Variants in NTMT2 observed in about 807,000 individuals in gnomAD.
NTMT2 encodes the protein N-terminal Xaa-Pro-Lys N-methyltransferase 2, also known as X-Pro-Lys N-terminal protein methyltransferase 1B.
In NTMT2, 21 loss-of-function variants were observed where a neutral mutation model predicts 23.4. The ratio of observed to expected loss-of-function variants is 0.90; its 90% confidence interval spans 0.64 to 1.29. The LOEUF (loss-of-function observed/expected upper bound fraction) is 1.29, where lower values mean the gene tolerates loss of function less well. Ranked by LOEUF, NTMT2 falls within the 50% of genes most tolerant of loss-of-function variation. NTMT2 has a pLI of 0.00. For synonymous variants in NTMT2, 131 were observed against 127.7 expected (o/e 1.03, Z -0.17); for missense variants, 336 against 352.0 (o/e 0.95, Z 0.36).
Position 170,148,196 on chromosome 1 carries a change from T to C in NTMT2, c.154+1935T>C, listed in dbSNP as rs550863695. The stretch of plus-strand genomic sequence containing the variant: ...TGGAGTCTCACTGTGTCGCCCAGGC[T>C]GGAGTGCAGTGGTGCAATCTCGGCT... On this transcript the variant is annotated intron_variant, in intron 1 of 3. Coordinates refer to ENST00000439373, the MANE Select transcript of NTMT2 (RefSeq NM_001136107.2). Among the ~76,000 whole-genome samples the C allele has an allele frequency of 3.9e-5, 5 of 129,100 alleles. No homozygotes were observed. The Admixed American group carries it at 3.9e-4, about 10-fold the overall frequency. 84.7% of individuals were successfully genotyped at this position (129,100 alleles called of 152,430 possible). A position where few individuals can be genotyped will look rare whatever the true frequency, so the allele number is the denominator to read the frequency against.
chr1:170,160,366 C>A (rs1673253388), intron 1 of NTMT2, among the ~76,000 whole-genome samples, 152 bp from the exon 2 acceptor site: 2 of 152,248 alleles, frequency 1.3e-5, no homozygotes, highest in South Asian at 2.1e-4. Context: ...AGTCATGGAG[C>A]CAAAACTCAA....
chr1:170,159,116 C>G lies in NTMT2; in HGVS notation c.155-1402C>G, dbSNP rs59453281. On this transcript the variant is annotated intron_variant, in intron 1 of 3. Transcript: ENST00000439373. ...TAGATAAGGTTTCCTTTGTTTTGTA[C>G]TTGTCCCCTAAATAGAAAGGAAGAC... 2.6e-5 allele frequency among the ~76,000 whole-genome samples: 4 copies of G among 151,152 alleles called. No homozygotes were observed. The South Asian group carries it at 8.3e-4, about 31-fold the overall frequency.
At chr1:170,156,390 C>T (rs1673164994) in intron 1 of NTMT2, among the ~76,000 whole-genome samples, 1 of 152,094 alleles carries the variant, frequency 6.6e-6, no homozygotes. Context: ...ATTAACCTTT[C>T]CTAGAAATTT....
chr1:170,159,780 T>C (rs1299413171), intron 1 of NTMT2, among the ~76,000 whole-genome samples: 1 of 152,228 alleles, frequency 6.6e-6, no homozygotes, highest in Non-Finnish European at 1.5e-5. Context: ...ATATTTTATA[T>C]CTGCATGGGT....
At chr1:170,165,067 T>C (rs1673353321) in intron 2 of NTMT2, among the ~76,000 whole-genome samples, 2 of 121,774 alleles carry the variant, frequency 1.6e-5, no homozygotes, top group Admixed American at 1.6e-4. Context: ...CCTTAGCCAA[T>C]TTTTTTTTTA....
chr1:170,164,738 G>A (rs1673339379), intron 2 of NTMT2, among the ~76,000 whole-genome samples: 1 of 152,182 alleles, frequency 6.6e-6, no homozygotes, highest in Non-Finnish European at 1.5e-5. Context: ...CCCTAATGGA[G>A]AACTGGCTTT....
intron 1 of NTMT2, among the ~76,000 whole-genome samples, chr1:170,146,620 T>C (rs1408551451): frequency 1.3e-5 from 2 of 152,206 alleles, no homozygotes; most frequent in Non-Finnish European, 2.9e-5. Context: ...AGAGTATTAA[T>C]GCATTAATAC....
At chr1:170,148,611 A>G (rs1270815336) in intron 1 of NTMT2, among the ~76,000 whole-genome samples, 2 of 152,210 alleles carry the variant, frequency 1.3e-5, no homozygotes, top group African/African-American at 4.8e-5. Flanking sequence ...CTTTGATGAT[A>G]GAAATTTAGG....
intron 1 of NTMT2, among the ~76,000 whole-genome samples, chr1:170,152,144 C>T (rs768979106): frequency 1.6e-4 from 24 of 152,010 alleles, no homozygotes; most frequent in Non-Finnish European, 2.9e-5. Flanking sequence ...ACATTAAGTG[C>T]TAGGATTACA....
In NTMT2 at chr1:170,158,574, C is replaced by T. The variant is rs1234742208; in HGVS notation, c.155-1944C>T. ...GCTTTAAAAAAAAATCTATGCATCTCAGCACTGTTAGATCTTACAGTCTCT... is the reference window on the plus strand; with the variant it reads ...GCTTTAAAAAAAAATCTATGCATCTTAGCACTGTTAGATCTTACAGTCTCT... On this transcript the variant is annotated intron_variant, in intron 1 of 3. Coordinates refer to ENST00000439373, the MANE Select transcript of NTMT2 (RefSeq NM_001136107.2). 2.0e-5 allele frequency among the ~76,000 whole-genome samples: 3 copies of T among 152,006 alleles called. No homozygotes were observed. The East Asian group carries it at 5.8e-4, about 29-fold the overall frequency.
chr1:170,157,562 T>G (rs1016171452), intron 1 of NTMT2, among the ~76,000 whole-genome samples: 7 of 152,162 alleles, frequency 4.6e-5, no homozygotes, highest in Non-Finnish European at 1.5e-5. Flanking sequence ...ATACAAGTTG[T>G]ATTTTTTGGA....
intron 1 of NTMT2, among the ~76,000 whole-genome samples, chr1:170,152,616 G>C (rs547866103): frequency 3.9e-5 from 6 of 152,142 alleles, no homozygotes; most frequent in Middle Eastern, 6.8e-3. Context: ...AAACCTAGAG[G>C]GTTCCTCTGG....
At chr1:170,151,065 C>T (rs531326982) in intron 1 of NTMT2, among the ~76,000 whole-genome samples, 1 of 152,134 alleles carries the variant, frequency 6.6e-6, no homozygotes, top group East Asian at 1.9e-4. Context: ...AAGGCTTAGC[C>T]CAACTTCATG....
At chr1:170,166,367 T>G (rs1673386023) in intron 2 of NTMT2, 135 bp from the exon 3 acceptor site, 1 of 796,652 alleles carries the variant, frequency 1.3e-6, no homozygotes, top group African/African-American at 1.8e-5. Context: ...GGTCTCGATC[T>G]CTTGACCTCG....
At chr1:170,146,668 A>G (rs1462150192) in intron 1 of NTMT2, among the ~76,000 whole-genome samples, 1 of 150,046 alleles carries the variant, frequency 6.7e-6, no homozygotes, top group East Asian at 1.9e-4. Context: ...AAATAATGAT[A>G]GATCAAAATG....
chr1:170,147,533 A>G (rs1416774410), intron 1 of NTMT2, among the ~76,000 whole-genome samples: 2 of 152,126 alleles, frequency 1.3e-5, no homozygotes, highest in Non-Finnish European at 2.9e-5. Flanking sequence ...CATCTCATCT[A>G]TATCCAAAAG....
intron 2 of NTMT2, among the ~76,000 whole-genome samples, chr1:170,166,226 G>A (rs916245628): frequency 2.2e-5 from 3 of 135,030 alleles, no homozygotes; most frequent in African/African-American, 5.6e-5. Context: ...TGCAAGCTCC[G>A]CTTCCAGGGT....
chr1:170,148,352 C>T (rs911621770), intron 1 of NTMT2, among the ~76,000 whole-genome samples: 1 of 151,478 alleles, frequency 6.6e-6, no homozygotes, highest in African/African-American at 2.4e-5. Context: ...GGGGTTTCAC[C>T]GTATTAGCCA....
chr1:170,161,105 C>T (rs1673265766), intron 2 of NTMT2, among the ~76,000 whole-genome samples: 1 of 152,016 alleles, frequency 6.6e-6, no homozygotes, highest in Admixed American at 6.5e-5. Context: ...AGATGTTGGC[C>T]TGGCTAACAC....
Sources: gnomAD v4.1 joint callset for allele counts (sites outside exome capture counted in the v4.1 genomes callset) on GRCh38, gnomAD v4.1.1 for gene constraint, MANE v1.5 for transcripts, NCBI Gene and HGNC (gene_info 2026-07-23, HGNC 2026-07-21) for gene names.